The following IQGAP3 variants were observed in gnomAD, a reference collection of about 807,000 sequenced individuals.
The protein encoded by IQGAP3 is ras GTPase-activating-like protein IQGAP3.
IQGAP3 carries 165 observed loss-of-function variants against 208.2 expected under a neutral mutation model. That is an observed-to-expected ratio of 0.79 (90% confidence interval 0.70 to 0.90). IQGAP3 has a LOEUF of 0.90. Among genes scored for constraint, IQGAP3 ranks in the 40% least tolerant of loss-of-function variants. IQGAP3 has a pLI of 0.00. For missense variants in IQGAP3, 1,811 were observed against 2,043.1 expected (o/e 0.89, Z 2.19); for synonymous variants, 703 against 803.6 (o/e 0.87, Z 2.12).
At chr1:156,563,950 G>T in intron 5 of IQGAP3, 126 bp from the exon 6 acceptor site, 2 of 683,520 alleles carry the variant, frequency 2.9e-6, no homozygotes, top group Non-Finnish European at 5.0e-6. Flanking sequence ...CTGCCCTCAA[G>T]TCATCCCCAA....
intron 1 of IQGAP3, 108 bp downstream of exon 1, chr1:156,572,385 G>A: frequency 8.2e-7 from 1 of 1,219,712 alleles, no homozygotes; most frequent in Admixed American, 1.7e-5. Context: ...CACCGCCCTC[G>A]CCCCTCAGGC....
chr1:156,567,156 C>T (rs1481136305), intron 2 of IQGAP3, among the ~76,000 whole-genome samples: 5 of 152,174 alleles, frequency 3.3e-5, no homozygotes, highest in African/African-American at 1.2e-4. Flanking sequence ...CATGAGCCAC[C>T]GCGCCCGGCC....
intron 19 of IQGAP3, among the ~76,000 whole-genome samples, chr1:156,546,073 C>G (rs1364927050): frequency 2.0e-5 from 3 of 152,118 alleles, no homozygotes; most frequent in African/African-American, 7.2e-5. Context: ...CCAAGCCTGC[C>G]CTCAGGACTC....
Position 156,537,200 on chromosome 1 carries a change from A to G in IQGAP3, c.3403T>C (p.Ser1135Pro). 6.2e-7 allele frequency: 1 copy of G among 1,613,800 alleles called. No individual in the cohort carries two copies. The highest frequency in any genetic ancestry group is 8.5e-7 in the Non-Finnish European group (1 of 1,179,870). ...MTDKFLLAIT[S>P]SVDQIPYGMR... Reference sequence around the variant, plus strand: ...ACATACGGAATTTGGTCCACAGATGAGGTGATGGCTAAAAGGAACTTATCA... The same window carrying G: ...ACATACGGAATTTGGTCCACAGATGGGGTGATGGCTAAAAGGAACTTATCA... The change falls in exon 27 of 38, where the codon TCA becomes CCA. Residue 1135 changes from serine to proline, a missense_variant. Transcript: ENST00000361170.
intron 13 of IQGAP3, among the ~76,000 whole-genome samples, chr1:156,553,378 C>CATTG (rs1675657646): frequency 6.6e-6 from 1 of 152,154 alleles, no homozygotes; most frequent in African/African-American, 2.4e-5. Context: ...ACACCATGCA[C>CATTG]ATTGCTTTCT....
intron 12 of IQGAP3, among the ~76,000 whole-genome samples, chr1:156,554,771 G>A (rs1675743120): frequency 6.6e-6 from 1 of 152,148 alleles, no homozygotes; most frequent in Admixed American, 6.5e-5. Context: ...ATCAAGAACT[G>A]TATTAGCCGG....
rs1381110732 is a variant in IQGAP3, at chr1:156,533,951, C to T, written c.3873+58G>A. ...CTCTGGGGCCAGCCCACTACCCCATCACAGGCTACCAAACCCTTGCCCACC... is the reference window on the plus strand; with the variant it reads ...CTCTGGGGCCAGCCCACTACCCCATTACAGGCTACCAAACCCTTGCCCACC... On this transcript the variant is annotated intron_variant, in intron 30 of 37. Transcript: ENST00000361170. The T allele has an allele frequency of 1.9e-6, 3 of 1,608,414 alleles. No individual in the cohort carries two copies. The African/African-American group carries it at 4.0e-5, about 21-fold the overall frequency.
intron 5 of IQGAP3, 118 bp from the exon 6 acceptor site, chr1:156,563,942 G>T: frequency 1.4e-6 from 1 of 725,282 alleles, no homozygotes. Context: ...CTCAGCACCT[G>T]CCCTCAAGTC....
In IQGAP3 at chr1:156,566,993, G is replaced by A. The variant is rs556338131; in HGVS notation, c.126-447C>T. 3.3e-5 allele frequency among the ~76,000 whole-genome samples: 5 copies of A among 151,376 alleles called. No homozygotes were observed. In the South Asian group the frequency reaches 6.3e-4, roughly 19 times the overall value. On this transcript the variant is annotated intron_variant, in intron 2 of 37. Transcript: ENST00000361170. ...GTGATTCTCCTGCCTTCAGCCTCCC[G>A]AGTAGTTGGGATTACAGGCACACCC...
chr1:156,561,313 G>A (rs1191402453), intron 10 of IQGAP3, among the ~76,000 whole-genome samples: 1 of 151,976 alleles, frequency 6.6e-6, no homozygotes, highest in African/African-American at 2.4e-5. Flanking sequence ...GATTACAAGC[G>A]TGTGCCACCA....
At chr1:156,532,018 G>A (rs1449623761) in intron 32 of IQGAP3, among the ~76,000 whole-genome samples, 1 of 152,110 alleles carries the variant, frequency 6.6e-6, no homozygotes, top group African/African-American at 2.4e-5. Context: ...ACCCCTACTG[G>A]GAGTCCTCCC....
Position 156,526,468 on chromosome 1 carries a change from T to G in IQGAP3, c.*18A>C, listed in dbSNP as rs1571301326. 6.7e-7 allele frequency: 1 copy of G among 1,499,242 alleles called. No individual in the cohort carries two copies. Among genetic ancestry groups the G allele is most frequent in the Non-Finnish European group, 9.3e-7 (1 of 1,075,476 alleles). The allele number at this position is 1,499,242 out of a possible 1,614,324, so 92.9% of individuals were successfully genotyped here. ...TCCAGAGAGGTAAGAGGGGCTTGGG[T>G]AGCACCCTTTGCCTCTGTCACTTCC... is the stretch of plus-strand genomic sequence containing the variant. On this transcript the variant is annotated 3_prime_UTR_variant, in exon 38 of 38. Transcript: ENST00000361170.
In IQGAP3 at chr1:156,530,237, T is replaced by C. The variant is rs777137475; in HGVS notation, c.4272A>G (p.Ser1424=). Residue 1424 remains serine, a synonymous_variant, in exon 34 of 38, where the codon TCA becomes TCG. Coordinates refer to ENST00000361170, the MANE Select transcript of IQGAP3 (RefSeq NM_178229.5). ...GTGGCAGGAGGGAGTGAGCTGTCAG[T>C]GAGCGGTGTCGTCGCAGTGGCTCCG... ...QTPEPLRRHR[S]LTAHSLLPLA... The C allele has an allele frequency of 6.2e-7, 1 of 1,613,050 alleles. No individual in the cohort carries two copies. The highest frequency in any genetic ancestry group is 8.5e-7 in the Non-Finnish European group (1 of 1,179,942).
chr1:156,547,217 G>A (rs1383062914), intron 19 of IQGAP3, among the ~76,000 whole-genome samples: 2 of 152,086 alleles, frequency 1.3e-5, no homozygotes, highest in Non-Finnish European at 2.9e-5. Context: ...TCCACGGGTT[G>A]GAAGAATAAA....
chr1:156,530,126 C>T lies in IQGAP3; in HGVS notation c.4383G>A (p.Gly1461=), dbSNP rs778568841. 3 of 1,605,462 alleles carry T rather than the reference C, an allele frequency of 1.9e-6. No homozygotes were observed. Among genetic ancestry groups the T allele is most frequent in the Admixed American group, 1.7e-5 (1 of 58,786 alleles). Residue 1461 remains glycine, a synonymous_variant, in exon 34 of 38, where the codon GGG becomes GGA. Transcript: ENST00000361170. ...GLVSARNGYQ[G]LVDELAKDIR... is the part of the protein sequence containing the mutation. Reference sequence around the variant, plus strand: ...TTACCTTGGCCAGCTCGTCCACTAGCCCCTGGTAGCCATTTCTGGCGCTGA... The same window carrying T: ...TTACCTTGGCCAGCTCGTCCACTAGTCCCTGGTAGCCATTTCTGGCGCTGA...
rs1038054937 is a variant in IQGAP3, at chr1:156,526,358, G to A, written c.*128C>T. On this transcript the variant is annotated 3_prime_UTR_variant, in exon 38 of 38. Transcript: ENST00000361170. ...GGCAAGCTCCTCCCAGCTGGGGAAG[G>A]GGTGAGAATCCCTGGGCCTTGCCCA... is the stretch of plus-strand genomic sequence containing the variant. 1.5e-6 allele frequency: 1 copy of A among 664,194 alleles called. No homozygotes were observed. Among genetic ancestry groups the A allele is most frequent in the Non-Finnish European group, 2.7e-6 (1 of 370,622 alleles). The allele number at this position is 664,194 out of a possible 1,614,324, so 41.1% of individuals were successfully genotyped here.
Position 156,564,839 on chromosome 1 carries a change from C to T in IQGAP3, c.361-148G>A, listed in dbSNP as rs1676329956. 4.6e-5 allele frequency: 30 copies of T among 651,174 alleles called. No homozygotes were observed. The South Asian group carries it at 4.7e-4, about 10-fold the overall frequency. The allele number at this position is 651,174 out of a possible 1,614,324, so 40.3% of individuals were successfully genotyped here. A position where few individuals can be genotyped will look rare whatever the true frequency, so the allele number is the denominator to read the frequency against. ...GGGTGTCTAGGTCAGTCTCCCCCAA[C>T]CATTTCTAGTCAGCCTAGTATAAAA... On this transcript the variant is annotated intron_variant, in intron 4 of 37. Transcript: ENST00000361170.
In IQGAP3 at chr1:156,539,470, T is replaced by C; in HGVS notation, c.2960A>G (p.Glu987Gly). 3 of 1,614,134 alleles carry C rather than the reference T, an allele frequency of 1.9e-6. No individual in the cohort carries two copies. Among genetic ancestry groups the C allele is most frequent in the Non-Finnish European group, 8.5e-7 (1 of 1,180,000 alleles). ...MPQNKTTKFMEAVIFSLYNYA... is the reference protein window; with the variant it reads ...MPQNKTTKFMGAVIFSLYNYA... Reference sequence around the variant, plus strand: ...GTTGTACAGGCTGAAAATCACTGCCTCCATGAACTTGGTGGTTTTGTTCTG... The same window carrying C: ...GTTGTACAGGCTGAAAATCACTGCCCCCATGAACTTGGTGGTTTTGTTCTG... The change falls in exon 25 of 38, where the codon GAG becomes GGG. Residue 987 changes from glutamate to glycine, a missense_variant. Coordinates refer to ENST00000361170, the MANE Select transcript of IQGAP3 (RefSeq NM_178229.5).
At position 156,534,601 on chromosome 1, in the gene IQGAP3, G is replaced by A. The variant is rs1488252066; in HGVS notation, c.3640C>T (p.Gln1214Ter). 5 of 1,612,480 alleles carry A rather than the reference G, an allele frequency of 3.1e-6. No individual in the cohort carries two copies. Among genetic ancestry groups the A allele is most frequent in the Non-Finnish European group, 4.2e-6 (5 of 1,179,754 alleles). The change falls in exon 29 of 38, where the codon CAG becomes TAG. Residue 1214 changes from glutamine (Q) to a stop codon, truncating the protein, a stop_gained. Transcript: ENST00000361170. LOFTEE classifies it high-confidence loss of function. ...CCAGCCGCAGCGTGCTGTAGGAGCT[G>A]AGCCACAGCCCCCAGGGCATGGCGC... is the stretch of plus-strand genomic sequence containing the variant. Reference protein sequence around the residue: ...PQRHALGAVAQLLQHAAAGKA... With the variant: ...PQRHALGAVA
Sources: allele counts gnomAD v4.1 joint callset (sites outside exome capture counted in the v4.1 genomes callset), GRCh38; gene constraint gnomAD v4.1.1; transcripts MANE v1.5; gene names NCBI Gene and HGNC (gene_info 2026-07-23, HGNC 2026-07-21).